The following CDR2L variants were observed in gnomAD, a reference collection of about 807,000 sequenced individuals.
The protein encoded by CDR2L is cerebellar degeneration-related protein 2-like.
Under a neutral mutation model 36.1 loss-of-function variants are expected in CDR2L, and 19 were observed. The ratio of observed to expected loss-of-function variants is 0.53; its 90% CI spans 0.37 to 0.77. The LOEUF (loss-of-function observed/expected upper bound fraction) is 0.77, where lower values mean the gene tolerates loss of function less well. Ranked by LOEUF, CDR2L falls within the 30% of genes least tolerant of loss-of-function variation. The probability of loss-of-function intolerance (pLI) is 0.00; values close to 1 mark genes in which losing one functional copy is unlikely to be tolerated. For missense variants in CDR2L, 575 were observed against 627.2 expected, an observed-to-expected ratio of 0.92 and a Z score of 0.89; for synonymous variants, 285 against 280.4, an observed-to-expected ratio of 1.02 and a Z score of -0.16.
At position 74,989,067 on chromosome 17, in the gene CDR2L, C is replaced by T. The variant is rs2039780594; in HGVS notation, c.79+945C>T. On this transcript the variant is annotated intron_variant, in intron 1 of 4. Coordinates refer to ENST00000337231, the MANE Select transcript of CDR2L (RefSeq NM_014603.3). The surrounding 1 kb of genome is among the most constrained non-coding windows in gnomAD (Gnocchi z 4.2). ...CCAGGGAGAAGTGACCTTCCCATGG[C>T]CTCCAGCAAGCTGGGGGGTGTGGAC... Among the ~76,000 whole-genome samples the T allele has an allele frequency of 6.6e-6, 1 of 152,190 alleles. No homozygotes were observed.
At chr17:75,003,002 G>A (rs1410457186) in intron 4 of CDR2L, among the ~76,000 whole-genome samples, 181 bp from the exon 5 acceptor site, 1 of 152,224 alleles carries the variant, frequency 6.6e-6, no homozygotes, top group African/African-American at 2.4e-5. Flanking sequence ...GCCTCCGGGG[G>A]CAGAGAGCAG....
chr17:74,999,891 C>T (rs2039854595), intron 2 of CDR2L, among the ~76,000 whole-genome samples: 1 of 152,122 alleles, frequency 6.6e-6, no homozygotes, highest in East Asian at 1.9e-4. Flanking sequence ...GATCCTCCCA[C>T]CTCAGCGTCC....
At chr17:75,001,992 A>G (rs2039869717) in intron 3 of CDR2L, 72 bp from the exon 4 acceptor site, 7 of 1,334,938 alleles carry the variant, frequency 5.2e-6, no homozygotes, top group Non-Finnish European at 7.0e-6. Context: ...ATCTTCAGGG[A>G]GCCAGGGCTG....
intron 1 of CDR2L, among the ~76,000 whole-genome samples, chr17:74,988,475 A>G (rs1211600826): frequency 6.6e-6 from 1 of 152,122 alleles, no homozygotes; most frequent in Non-Finnish European, 1.5e-5. Context: ...GAGTCTTCTG[A>G]GGCCGGGAGG....
Position 75,004,265 on chromosome 17 carries a change from T to A in CDR2L, c.*191T>A. On this transcript the variant is annotated 3_prime_UTR_variant, in exon 5 of 5. Transcript: ENST00000337231. ...CACCTGTCCTGCCTCCCAGGAGCCC[T>A]TGGCCACCTCGCGCCAGCCCAAAGG... 1 of 567,304 alleles carries A rather than the reference T, an allele frequency of 1.8e-6. No individual in the cohort carries two copies. Among genetic ancestry groups the A allele is most frequent in the Non-Finnish European group, 3.1e-6 (1 of 323,914 alleles). 35.1% of individuals were successfully genotyped at this position (567,304 alleles called of 1,614,324 possible). A position where few individuals can be genotyped will look rare whatever the true frequency, so the allele number is the denominator to read the frequency against.
intron 1 of CDR2L, among the ~76,000 whole-genome samples, chr17:74,993,706 G>A (rs2039809769): frequency 6.6e-6 from 1 of 152,182 alleles, no homozygotes; most frequent in African/African-American, 2.4e-5. Context: ...TGTTGTTGTT[G>A]TTTTCAATGG....
At chr17:74,998,867 G>A (rs1184292097) in intron 1 of CDR2L, among the ~76,000 whole-genome samples, 2 of 152,210 alleles carry the variant, frequency 1.3e-5, no homozygotes, top group Non-Finnish European at 2.9e-5. Context: ...TCTAAAATTA[G>A]GCCAGCAGTG....
At position 75,005,724 on chromosome 17, in the gene CDR2L, T is replaced by C. The variant is rs2039899580; in HGVS notation, c.*1650T>C. Reference sequence around the variant, plus strand: ...GCAGACCAGCGTCACCTTTGAAGTATACGTGAGAGAAATATATTTACAAAT... The same window carrying C: ...GCAGACCAGCGTCACCTTTGAAGTACACGTGAGAGAAATATATTTACAAAT... On this transcript the variant is annotated 3_prime_UTR_variant, in exon 5 of 5. Transcript: ENST00000337231. This position sits in a 1 kb window ranked among gnomAD's most constrained non-coding sequence, Gnocchi z 4.2. 1 of 152,670 alleles carries C rather than the reference T, an allele frequency of 6.6e-6. No homozygotes were observed. The highest frequency in any genetic ancestry group is 2.1e-4 in the South Asian group (1 of 4,836). 9.5% of individuals were successfully genotyped at this position (152,670 alleles called of 1,614,324 possible). A position where few individuals can be genotyped will look rare whatever the true frequency, so the allele number is the denominator to read the frequency against.
At position 74,987,956 on chromosome 17, in the gene CDR2L, C is replaced by A. The variant is rs2039773290; in HGVS notation, c.-88C>A. On this transcript the variant is annotated 5_prime_UTR_variant, in exon 1 of 5. Coordinates refer to ENST00000337231, the MANE Select transcript of CDR2L (RefSeq NM_014603.3). ...TAGCCCGAGTTCCCGACGCTGGAGGCCCGGCCCGCCTCAGCCGCATTGTCC... is the reference window on the plus strand; with the variant it reads ...TAGCCCGAGTTCCCGACGCTGGAGGACCGGCCCGCCTCAGCCGCATTGTCC... 3.1e-6 allele frequency: 2 copies of A among 652,650 alleles called. No homozygotes were observed. Among genetic ancestry groups the A allele is most frequent in the Non-Finnish European group, 4.4e-6 (2 of 455,432 alleles). 40.4% of individuals were successfully genotyped at this position (652,650 alleles called of 1,614,324 possible). A position where few individuals can be genotyped will look rare whatever the true frequency, so the allele number is the denominator to read the frequency against.
chr17:74,998,090 G>A (rs148717385), intron 1 of CDR2L, among the ~76,000 whole-genome samples: 25 of 151,990 alleles, frequency 1.6e-4, no homozygotes, highest in Non-Finnish European at 3.4e-4. Context: ...GCATGGTGGC[G>A]GGCGCCTGTA....
intron 1 of CDR2L, among the ~76,000 whole-genome samples, chr17:74,998,363 A>G (rs973699310): frequency 3.3e-5 from 2 of 60,598 alleles, no homozygotes; most frequent in African/African-American, 8.9e-5. Context: ...GCCGTATTGC[A>G]CCACCTTTCT....
At chr17:75,000,375 G>GT (rs2039857663) in intron 2 of CDR2L, among the ~76,000 whole-genome samples, 1 of 102 alleles carries the variant, frequency 9.8e-3, no homozygotes, top group Non-Finnish European at 0.017. Flanking sequence ...TGGGCTCACT[G>GT]CAGCTCTGCC....
At position 75,003,187 on chromosome 17, in the gene CDR2L, A is replaced by G; in HGVS notation, c.511A>G (p.Lys171Glu). Residue 171 changes from lysine (K) to glutamate (E), a missense_variant, in exon 5 of 5, where the codon AAG becomes GAG. Transcript: ENST00000337231. The part of the protein sequence containing the change: ...LKELCTSPRC[K>E]DAFRLHSSSL... ...GCGACTCTCACTACCCGCCAGGTGCAAGGATGCTTTCCGCCTACACAGTTC... is the reference window on the plus strand; with the variant it reads ...GCGACTCTCACTACCCGCCAGGTGCGAGGATGCTTTCCGCCTACACAGTTC... 6.4e-7 allele frequency: 1 copy of G among 1,561,868 alleles called. No homozygotes were observed. Among genetic ancestry groups the G allele is most frequent in the Non-Finnish European group, 8.7e-7 (1 of 1,154,112 alleles).
chr17:74,988,130 CG>C lies in CDR2L; in HGVS notation c.79+13del, dbSNP rs1400022339. The C allele has an allele frequency of 3.3e-6, 5 of 1,521,208 alleles. No homozygotes were observed. The highest frequency in any genetic ancestry group is 1.4e-5 in the African/African-American group (1 of 70,142). 94.2% of individuals were successfully genotyped at this position (1,521,208 alleles called of 1,614,324 possible). ...AGCAGGACCTGGAGCAGGGTGAGCG[CG>C]GGGGCGACCGGGACAGGAAGGCGGG... On this transcript the variant is annotated intron_variant, in intron 1 of 4. Coordinates refer to ENST00000337231, the MANE Select transcript of CDR2L (RefSeq NM_014603.3).
intron 1 of CDR2L, among the ~76,000 whole-genome samples, chr17:74,991,190 G>A (rs994916536): frequency 2.7e-5 from 4 of 147,450 alleles, no homozygotes; most frequent in African/African-American, 1.0e-4. Flanking sequence ...ATCACCTGAG[G>A]TCGGGAGTTC....
At chr17:75,001,272 G>A in intron 2 of CDR2L, 69 bp from the exon 3 acceptor site, 1 of 1,443,048 alleles carries the variant, frequency 6.9e-7, no homozygotes, top group Non-Finnish European at 9.2e-7. Flanking sequence ...AAAGAAGTAG[G>A]AGGGTCTAGG....
intron 1 of CDR2L, among the ~76,000 whole-genome samples, 179 bp from the exon 2 acceptor site, chr17:74,999,325 C>CACACACACACA (rs368672422): frequency 2.0e-5 from 3 of 151,094 alleles, no homozygotes; most frequent in Middle Eastern, 3.4e-3. Flanking sequence ...CAGACACACA[C>CACACACACACA]AAAAAGAACA....
chr17:74,996,591 C>T (rs934743661), intron 1 of CDR2L, among the ~76,000 whole-genome samples: 1 of 152,120 alleles, frequency 6.6e-6, no homozygotes, highest in Admixed American at 6.6e-5. Flanking sequence ...TTAGTACCTG[C>T]CGTTTCCTTC....
chr17:75,002,417 C>A lies in CDR2L; in HGVS notation c.506+189C>A, dbSNP rs947137637. 5.3e-5 allele frequency among the ~76,000 whole-genome samples: 8 copies of A among 152,168 alleles called. No homozygotes were observed. The highest frequency in any genetic ancestry group is 4.4e-5 in the Non-Finnish European group (3 of 68,032). ...GTGCTGCCACTATGCTGATATAATTCTTATTGCAACACTGTTGGGGGTGTT... is the reference window on the plus strand; with the variant it reads ...GTGCTGCCACTATGCTGATATAATTATTATTGCAACACTGTTGGGGGTGTT... On this transcript the variant is annotated intron_variant, in intron 4 of 4. Coordinates refer to ENST00000337231, the MANE Select transcript of CDR2L (RefSeq NM_014603.3). The surrounding 1 kb of genome is among the most constrained non-coding windows in gnomAD (Gnocchi z 4.1).
Sources: gnomAD v4.1 joint callset for allele counts (sites outside exome capture counted in the v4.1 genomes callset) on GRCh38, gnomAD v4.1.1 for gene constraint, Gnocchi (gnomAD v3.1) non-coding constraint, MANE v1.5 for transcripts, NCBI Gene and HGNC (gene_info 2026-07-23, HGNC 2026-07-21) for gene names.